COG6: variants seen among roughly 807,000 people sequenced by gnomAD.
COG6 encodes the protein component of oligomeric golgi complex 6, also known as conserved oligomeric Golgi complex subunit 6.
Under a neutral mutation model 88.8 loss-of-function variants are expected in COG6, and 74 were observed. The ratio of observed to expected loss-of-function variants is 0.83; its 90% CI spans 0.69 to 1.01. The LOEUF is 1.01. COG6 is among the 50% of genes least tolerant of loss of function. The pLI is 0.00. For missense variants in COG6, 800 were observed against 797.9 expected, an observed-to-expected ratio of 1.00 and a Z score of -0.03; for synonymous variants, 286 against 278.7, an observed-to-expected ratio of 1.03 and a Z score of -0.26.
At chr13:39,782,088 G>C (rs1881646506) in intron 18 of COG6, among the ~76,000 whole-genome samples, 1 of 152,130 alleles carries the variant, frequency 6.6e-6, no homozygotes, top group Non-Finnish European at 1.5e-5. Flanking sequence ...CACAGAACAA[G>C]CAACCACACA....
chr13:39,758,681 G>T (rs1880921474), intron 18 of COG6, among the ~76,000 whole-genome samples: 1 of 152,174 alleles, frequency 6.6e-6, no homozygotes, highest in African/African-American at 2.4e-5. Flanking sequence ...TTAACAAACA[G>T]TTCCTCAAAA....
intron 1 of COG6, chr13:39,656,960 T>C (rs1309847364): frequency 1.1e-5 from 5 of 449,496 alleles, no homozygotes; most frequent in Non-Finnish European, 1.8e-5. Context: ...ATAAAATTTA[T>C]GAAGTGTTTA....
chr13:39,723,450 T>C lies in COG6; in HGVS notation c.1692+10T>C, dbSNP rs1878961846. On this transcript the variant is annotated intron_variant, in intron 16 of 18. Transcript: ENST00000455146. ...ACATAAACCTGAACAGGTAAGTGCA[T>C]AGATGTTCCTTCCTAATTCTAAGAA... is the stretch of plus-strand genomic sequence containing the variant. 3.5e-6 allele frequency: 5 copies of C among 1,433,410 alleles called. No homozygotes were observed. The highest frequency in any genetic ancestry group is 3.4e-5 in the South Asian group (3 of 87,362). The allele number at this position is 1,433,410 out of a possible 1,614,324, so 88.8% of individuals were successfully genotyped here.
chr13:39,698,186 A>T (rs933373576), intron 12 of COG6, among the ~76,000 whole-genome samples: 2 of 151,950 alleles, frequency 1.3e-5, no homozygotes, highest in Non-Finnish European at 1.5e-5. Flanking sequence ...TATTAAAAAA[A>T]AAAATGAATG....
At chr13:39,725,554 C>T (rs150904742) in intron 17 of COG6, among the ~76,000 whole-genome samples, 215 of 151,798 alleles carry the variant, frequency 1.4e-3, no homozygotes, top group African/African-American at 4.8e-3. Flanking sequence ...AGATACCTAA[C>T]AAATGCAAAG....
chr13:39,705,257 A>G (rs1037820851), intron 13 of COG6, among the ~76,000 whole-genome samples: 1 of 152,220 alleles, frequency 6.6e-6, no homozygotes, highest in African/African-American at 2.4e-5. Flanking sequence ...TTTTAAAAAT[A>G]TGATTGCTTT....
intron 8 of COG6, among the ~76,000 whole-genome samples, chr13:39,684,515 G>A (rs1433100983): frequency 6.6e-6 from 1 of 152,028 alleles, no homozygotes; most frequent in Non-Finnish European, 1.5e-5. Flanking sequence ...CTCCCAAAGT[G>A]CTGGGATTAC....
chr13:39,744,023 C>T (rs533997891), intron 18 of COG6, among the ~76,000 whole-genome samples: 15 of 152,042 alleles, frequency 9.9e-5, no homozygotes, highest in Admixed American at 3.9e-4. Context: ...TCTCAATAAA[C>T]GCAGAAAGGG....
intron 10 of COG6, among the ~76,000 whole-genome samples, chr13:39,689,311 C>G (rs1876846128): frequency 6.6e-6 from 1 of 152,086 alleles, no homozygotes; most frequent in African/African-American, 2.4e-5. Flanking sequence ...TTTGAAAATA[C>G]CAGTTTTTCT....
chr13:39,728,139 TTCTA>T (rs1406894149), intron 18 of COG6, among the ~76,000 whole-genome samples: 1 of 152,152 alleles, frequency 6.6e-6, no homozygotes, highest in Non-Finnish European at 1.5e-5. Flanking sequence ...TTTTTTTTCT[TTCTA>T]TTCAAACAGC....
chr13:39,787,899 T>G (rs1881825027), intron 18 of COG6, among the ~76,000 whole-genome samples: 1 of 152,166 alleles, frequency 6.6e-6, no homozygotes, highest in African/African-American at 2.4e-5. Flanking sequence ...CATCTGTGGA[T>G]TTTGGTATCT....
chr13:39,734,511 G>A (rs946983148), intron 18 of COG6, among the ~76,000 whole-genome samples: 1 of 152,040 alleles, frequency 6.6e-6, no homozygotes, highest in Non-Finnish European at 1.5e-5. Context: ...CTTTTATTGT[G>A]TCCTAACATA....
chr13:39,743,064 A>G (rs189311003), intron 18 of COG6, among the ~76,000 whole-genome samples: 107 of 152,344 alleles, frequency 7.0e-4, no homozygotes, highest in African/African-American at 2.4e-3. Context: ...AATGAGAACA[A>G]AGACACAACA....
At chr13:39,779,991 A>T (rs1445458197) in intron 18 of COG6, among the ~76,000 whole-genome samples, 1 of 152,230 alleles carries the variant, frequency 6.6e-6, no homozygotes, top group African/African-American at 2.4e-5. Flanking sequence ...TTGCTGATGG[A>T]TGAAGAATGA....
chr13:39,787,713 G>T (rs1881817762), intron 18 of COG6, among the ~76,000 whole-genome samples: 1 of 151,932 alleles, frequency 6.6e-6, no homozygotes, highest in Non-Finnish European at 1.5e-5. Flanking sequence ...ACAGTTAGTT[G>T]AAAATATTTG....
chr13:39,727,714 A>G (rs1348002955), intron 18 of COG6, among the ~76,000 whole-genome samples, 166 bp downstream of exon 18: 1 of 152,276 alleles, frequency 6.6e-6, no homozygotes, highest in East Asian at 1.9e-4. Flanking sequence ...TGAGATCTGA[A>G]CATGTCTGTA....
At chr13:39,721,287 T>C (rs1023277850) in intron 15 of COG6, among the ~76,000 whole-genome samples, 5 of 152,154 alleles carry the variant, frequency 3.3e-5, no homozygotes, top group Admixed American at 1.3e-4. Context: ...AGCTTATTAG[T>C]TTATTCAAGT....
At chr13:39,655,964 G>C (rs1874460131) in intron 1 of COG6, 85 bp downstream of exon 1, 2 of 1,490,390 alleles carry the variant, frequency 1.3e-6, no homozygotes, top group African/African-American at 2.8e-5. Flanking sequence ...GACCCACCGC[G>C]GTCTCCCTCG....
chr13:39,739,301 A>T (rs1017219931), intron 18 of COG6, among the ~76,000 whole-genome samples: 6 of 152,070 alleles, frequency 3.9e-5, no homozygotes, highest in African/African-American at 1.4e-4. Context: ...CTATTTTAAC[A>T]TACAAGAGTG....
Sources: gnomAD v4.1 joint callset for allele counts (sites outside exome capture counted in the v4.1 genomes callset) on GRCh38, gnomAD v4.1.1 for gene constraint, MANE v1.5 for transcripts, NCBI Gene and HGNC (gene_info 2026-07-23, HGNC 2026-07-21) for gene names.